PPP2R2B: variants seen among roughly 807,000 people sequenced by gnomAD.
PPP2R2B encodes the protein protein phosphatase 2 regulatory subunit Bbeta.
PPP2R2B carries 5 observed loss-of-function variants against 46.0 expected under a neutral mutation model. The observed-to-expected ratio is 0.11, with a 90% CI of 0.06 to 0.23. PPP2R2B has a LOEUF of 0.23. Among genes scored for constraint, PPP2R2B ranks in the 10% least tolerant of loss-of-function variants. The pLI, the probability that PPP2R2B is intolerant of heterozygous loss-of-function variation, is 1.00. For missense variants in PPP2R2B, 367 were observed against 575.0 expected (o/e 0.64, Z 3.70); for synonymous variants, 215 against 206.7 (o/e 1.04, Z -0.34).
chr5:146,741,150 T>G (rs759840674), intron 2 of PPP2R2B, among the ~76,000 whole-genome samples: 15 of 152,140 alleles, frequency 9.9e-5, no homozygotes, highest in Non-Finnish European at 2.2e-4. Context: ...GTAATTCCTA[T>G]GCTTATCACA....
At chr5:146,760,141 C>T (rs1262124054) in intron 2 of PPP2R2B, among the ~76,000 whole-genome samples, 2 of 152,138 alleles carry the variant, frequency 1.3e-5, no homozygotes, top group African/African-American at 2.4e-5. Flanking sequence ...CGAATAAATT[C>T]AGCTGTTGTG....
intron 1 of PPP2R2B, among the ~76,000 whole-genome samples, chr5:146,968,567 ACTT>A (rs2151846728): frequency 6.6e-6 from 1 of 152,324 alleles, no homozygotes; most frequent in African/African-American, 2.4e-5. Context: ...GACCTGAGCT[ACTT>A]CTTTGCTGAA....
intron 1 of PPP2R2B, among the ~76,000 whole-genome samples, chr5:146,966,422 G>C (rs944668639): frequency 6.6e-6 from 1 of 152,204 alleles, no homozygotes; most frequent in African/African-American, 2.4e-5. Context: ...CTATCTTCGC[G>C]CAGTTGTCAA....
chr5:146,826,223 A>G (rs9325024), intron 2 of PPP2R2B, among the ~76,000 whole-genome samples: 22,176 of 152,138 alleles, frequency 0.15, 2,103 homozygotes, highest in East Asian at 0.44. Flanking sequence ...TATCCTGCCC[A>G]ACATAATAAA....
chr5:146,991,063 A>T (rs1290999318), intron 1 of PPP2R2B, among the ~76,000 whole-genome samples: 1 of 152,096 alleles, frequency 6.6e-6, no homozygotes, highest in African/African-American at 2.4e-5. Context: ...TAAAAAGATA[A>T]AAAAAACACA....
At chr5:146,803,478 G>A (rs994705593) in intron 2 of PPP2R2B, among the ~76,000 whole-genome samples, 20 of 151,822 alleles carry the variant, frequency 1.3e-4, no homozygotes, top group Admixed American at 3.3e-4. Flanking sequence ...GTTTTAATTC[G>A]GCATTTAATA....
chr5:146,709,997 C>T (rs1162562463), intron 2 of PPP2R2B, among the ~76,000 whole-genome samples: 1 of 152,216 alleles, frequency 6.6e-6, no homozygotes, highest in African/African-American at 2.4e-5. Context: ...CACAAACTCT[C>T]ACATGCACAT....
intron 1 of PPP2R2B, among the ~76,000 whole-genome samples, chr5:146,887,121 TTA>T (rs1482362471): frequency 6.6e-6 from 1 of 152,076 alleles, no homozygotes; most frequent in Non-Finnish European, 1.5e-5. Context: ...GAAGATAAAA[TTA>T]TCTTATTTAA....
At chr5:146,886,060 C>G (rs1454624832) in intron 1 of PPP2R2B, among the ~76,000 whole-genome samples, 1 of 152,088 alleles carries the variant, frequency 6.6e-6, no homozygotes, top group Non-Finnish European at 1.5e-5. Flanking sequence ...TAGGGGCGGC[C>G]GGGCGCGGTG....
At chr5:146,856,103 A>C (rs1760647090) in intron 2 of PPP2R2B, among the ~76,000 whole-genome samples, 1 of 152,070 alleles carries the variant, frequency 6.6e-6, no homozygotes, top group African/African-American at 2.4e-5. Context: ...CTTGACCCCA[A>C]GCTCTTTTTC....
chr5:146,843,117 G>A (rs1759766914), intron 2 of PPP2R2B, among the ~76,000 whole-genome samples: 4 of 152,232 alleles, frequency 2.6e-5, no homozygotes, highest in Admixed American at 6.5e-5. Context: ...AACCTGGGAG[G>A]CGGAGGTTGC....
At chr5:146,641,635 A>C (rs1775227537) in intron 6 of PPP2R2B, among the ~76,000 whole-genome samples, 1 of 151,824 alleles carries the variant, frequency 6.6e-6, no homozygotes, top group Non-Finnish European at 1.5e-5. Context: ...AGTTGCTAAA[A>C]ATTAAGTGAC....
At chr5:147,081,037 A>G (rs1372331408) in intron 2 of PPP2R2B, 3 of 1,528,686 alleles carry the variant, frequency 2.0e-6, no homozygotes, top group East Asian at 2.4e-5. Context: ...GGCAAGGAAA[A>G]GGGCATGGGG....
chr5:146,905,544 T>A (rs1269189149), intron 1 of PPP2R2B, among the ~76,000 whole-genome samples: 1 of 152,212 alleles, frequency 6.6e-6, no homozygotes, highest in East Asian at 1.9e-4. Flanking sequence ...CATGAGGCAC[T>A]GTTCCTGGCC....
At chr5:146,707,191 T>G in intron 2 of PPP2R2B, 3 of 1,573,816 alleles carry the variant, frequency 1.9e-6, no homozygotes, top group Non-Finnish European at 2.6e-6. Context: ...GATGTAGCTC[T>G]CGAATATGTT....
chr5:146,643,894 C>T (rs1775397537), intron 6 of PPP2R2B, among the ~76,000 whole-genome samples: 1 of 152,182 alleles, frequency 6.6e-6, no homozygotes, highest in African/African-American at 2.4e-5. Flanking sequence ...GACCATGCAG[C>T]AAGTATTTTC....
intron 1 of PPP2R2B, among the ~76,000 whole-genome samples, chr5:147,037,177 C>T (rs1159528604): frequency 6.6e-6 from 1 of 151,784 alleles, no homozygotes; most frequent in Non-Finnish European, 1.5e-5. Flanking sequence ...ATTATTTTTG[C>T]CTAAGATAGT....
intron 1 of PPP2R2B, among the ~76,000 whole-genome samples, chr5:146,947,136 G>A (rs1764510082): frequency 6.6e-6 from 1 of 152,158 alleles, no homozygotes; most frequent in Admixed American, 6.5e-5. Context: ...TGAGGCAGAT[G>A]CCTTGGTTAG....
intron 7 of PPP2R2B, among the ~76,000 whole-genome samples, chr5:146,615,529 AAG>A (rs1246551430): frequency 6.8e-6 from 1 of 147,370 alleles, no homozygotes; most frequent in African/African-American, 2.5e-5. Flanking sequence ...AAAAAAAAAA[AAG>A]AAAAAAAAAA....
Sources: gnomAD v4.1 joint callset for allele counts (sites outside exome capture counted in the v4.1 genomes callset) on GRCh38, gnomAD v4.1.1 for gene constraint, MANE v1.5 for transcripts, NCBI Gene and HGNC (gene_info 2026-07-23, HGNC 2026-07-21) for gene names.